FNIP1: variants seen among roughly 807,000 people sequenced by gnomAD.
The protein encoded by FNIP1 is folliculin interacting protein 1.
A neutral mutation model predicts 124.5 loss-of-function variants in FNIP1; 40 were observed. The ratio of observed to expected loss-of-function variants is 0.32; its 90% CI spans 0.25 to 0.42. FNIP1 has a LOEUF of 0.42. Among genes scored for constraint, FNIP1 ranks in the 10% least tolerant of loss-of-function variants. FNIP1 has a pLI of 1.00. For synonymous variants in FNIP1, 472 were observed against 470.6 expected, an observed-to-expected ratio of 1.00 and a Z score of -0.04; for missense variants, 1,176 against 1,403.7, an observed-to-expected ratio of 0.84 and a Z score of 2.59.
intron 2 of FNIP1, among the ~76,000 whole-genome samples, chr5:131,741,000 G>A (rs1770494890): frequency 6.6e-6 from 1 of 152,154 alleles, no homozygotes; most frequent in Admixed American, 6.5e-5. Context: ...TGGGAGGCAT[G>A]AATAATCCAC....
chr5:131,789,140 T>C (rs776037678), intron 1 of FNIP1, among the ~76,000 whole-genome samples: 152 of 152,280 alleles, frequency 1.0e-3, no homozygotes, highest in Admixed American at 2.7e-3. Flanking sequence ...CTGGAGGACA[T>C]GATGCTAAGT....
intron 1 of FNIP1, among the ~76,000 whole-genome samples, chr5:131,755,221 G>C (rs528504420): frequency 6.6e-6 from 1 of 152,228 alleles, no homozygotes; most frequent in East Asian, 1.9e-4. Context: ...AGGAGTTTGA[G>C]ATCAGCCTGG....
At chr5:131,736,997 T>C (rs1241142955) in intron 2 of FNIP1, among the ~76,000 whole-genome samples, 1 of 152,228 alleles carries the variant, frequency 6.6e-6, no homozygotes, top group Non-Finnish European at 1.5e-5. Flanking sequence ...AATTATAACC[T>C]AGTTATAGAA....
intron 11 of FNIP1, among the ~76,000 whole-genome samples, chr5:131,683,705 T>G (rs1768170466): frequency 1.3e-5 from 2 of 152,194 alleles, no homozygotes; most frequent in African/African-American, 4.8e-5. Flanking sequence ...TTCAAATATT[T>G]TGATCCGAGG....
intron 9 of FNIP1, 116 bp from the exon 10 acceptor site, chr5:131,704,382 C>T: frequency 3.7e-6 from 3 of 800,780 alleles, no homozygotes; most frequent in Non-Finnish European, 5.8e-6. Flanking sequence ...TCAAACAAAC[C>T]TATAATTTCA....
At chr5:131,646,710 G>A (rs187830272) in intron 17 of FNIP1, among the ~76,000 whole-genome samples, 1 of 152,222 alleles carries the variant, frequency 6.6e-6, no homozygotes, top group East Asian at 1.9e-4. Context: ...AGTAATATAT[G>A]GATAACGTAT....
intron 1 of FNIP1, among the ~76,000 whole-genome samples, chr5:131,781,268 A>G (rs1326465007): frequency 6.6e-6 from 1 of 152,236 alleles, no homozygotes; most frequent in East Asian, 1.9e-4. Flanking sequence ...ATTACAAGGT[A>G]AAAAGGCAAA....
intron 1 of FNIP1, among the ~76,000 whole-genome samples, chr5:131,783,416 T>G (rs1401076964): frequency 1.4e-5 from 2 of 145,942 alleles, no homozygotes; most frequent in Non-Finnish European, 3.0e-5. Flanking sequence ...AATAGAAAAC[T>G]AAGTCAGAAA....
At chr5:131,670,157 G>A (rs1767709389) in intron 15 of FNIP1, among the ~76,000 whole-genome samples, 1 of 152,114 alleles carries the variant, frequency 6.6e-6, no homozygotes. Context: ...AGGAAATTAA[G>A]AAAATAATTC....
intron 3 of FNIP1, among the ~76,000 whole-genome samples, chr5:131,723,484 T>C (rs1158793207): frequency 6.6e-6 from 1 of 152,174 alleles, no homozygotes; most frequent in Non-Finnish European, 1.5e-5. Flanking sequence ...TGTTCTAACA[T>C]ATACTAAATA....
chr5:131,793,091 C>T (rs1312512171), intron 1 of FNIP1, among the ~76,000 whole-genome samples: 4 of 152,136 alleles, frequency 2.6e-5, no homozygotes, highest in African/African-American at 4.8e-5. Flanking sequence ...AGTGCAGTGG[C>T]GCAATCATGG....
In FNIP1 at chr5:131,647,170, T is replaced by C. The variant is rs747527867; in HGVS notation, c.3342A>G (p.Leu1114=). 12 of 1,614,154 alleles carry C rather than the reference T, an allele frequency of 7.4e-6. No homozygotes were observed. Among genetic ancestry groups the C allele is most frequent in the African/African-American group, 1.3e-5 (1 of 75,054 alleles). Residue 1114 remains leucine, a synonymous_variant, in exon 17 of 18, where the codon CTA becomes CTG. Coordinates refer to ENST00000510461, the MANE Select transcript of FNIP1 (RefSeq NM_133372.3). ...VMHLEDRLQE[L]YFKSKMLSEY... ...CAGACAGCATTTTACTTTTGAAGTA[T>C]AGCTCCTGCAACCGGTCTTCAAGAT...
intron 1 of FNIP1, 61 bp from the exon 2 acceptor site, chr5:131,744,751 A>G: frequency 7.3e-7 from 1 of 1,367,320 alleles, no homozygotes; most frequent in Non-Finnish European, 9.7e-7. Context: ...AATATTCCAT[A>G]TACATTATTA....
At chr5:131,658,907 C>CA (rs70974003) in intron 15 of FNIP1, among the ~76,000 whole-genome samples, 536 of 41,142 alleles carry the variant, frequency 0.013, 83 homozygotes, top group East Asian at 0.044. Flanking sequence ...TGGGTCTAGC[C>CA]AAAAAAAAAA....
At chr5:131,760,605 T>C (rs1771194621) in intron 1 of FNIP1, among the ~76,000 whole-genome samples, 1 of 152,128 alleles carries the variant, frequency 6.6e-6, no homozygotes, top group African/African-American at 2.4e-5. Flanking sequence ...AGTTCATGAA[T>C]TGGGTAATTA....
At chr5:131,776,139 A>G (rs1456587090) in intron 1 of FNIP1, among the ~76,000 whole-genome samples, 17 of 152,202 alleles carry the variant, frequency 1.1e-4, no homozygotes, top group Admixed American at 1.1e-3. Flanking sequence ...AAAATGGTAA[A>G]TTTGTAGAAC....
chr5:131,651,655 A>G lies in FNIP1; in HGVS notation c.3306+147T>C. 4.2e-6 allele frequency: 3 copies of G among 716,448 alleles called. No homozygotes were observed. The South Asian group carries it at 5.7e-5, about 14-fold the overall frequency. The allele number at this position is 716,448 out of a possible 1,614,324, so 44.4% of individuals were successfully genotyped here. On this transcript the variant is annotated intron_variant, in intron 16 of 17. Coordinates refer to ENST00000510461, the MANE Select transcript of FNIP1 (RefSeq NM_133372.3). ...CCTCCCAAAGATCCTATCTCCAAAT[A>G]CTGTCACACTGGGAATTAGGGCTTC...
intron 15 of FNIP1, among the ~76,000 whole-genome samples, chr5:131,668,424 G>A (rs1305277654): frequency 1.3e-5 from 2 of 152,182 alleles, no homozygotes; most frequent in African/African-American, 4.8e-5. Flanking sequence ...GGTGGCTCAC[G>A]CCTATAATCC....
At chr5:131,778,162 T>C (rs1405651930) in intron 1 of FNIP1, among the ~76,000 whole-genome samples, 3 of 151,910 alleles carry the variant, frequency 2.0e-5, no homozygotes, top group African/African-American at 7.3e-5. Flanking sequence ...AGTTCAAGAT[T>C]AGCCTGGGCA....
Sources: allele counts gnomAD v4.1 joint callset (sites outside exome capture counted in the v4.1 genomes callset), GRCh38; gene constraint gnomAD v4.1.1; transcripts MANE v1.5; gene names NCBI Gene and HGNC (gene_info 2026-07-23, HGNC 2026-07-21).